The following FNDC3B variants were observed in gnomAD, a reference collection of about 807,000 sequenced individuals.
FNDC3B encodes fibronectin type III domain-containing protein 3B.
FNDC3B carries 12 observed loss-of-function variants against 151.5 expected under a neutral mutation model. The observed-to-expected ratio is 0.08, with a 90% confidence interval of 0.05 to 0.13. FNDC3B has a LOEUF of 0.13. Ranked by LOEUF, FNDC3B falls within the 10% of genes least tolerant of loss-of-function variation. The pLI is 1.00. For missense variants in FNDC3B, 1,214 were observed against 1,505.3 expected (o/e 0.81, Z 3.20); for synonymous variants, 528 against 549.0 (o/e 0.96, Z 0.54).
intron 25 of FNDC3B, among the ~76,000 whole-genome samples, chr3:172,387,102 G>A (rs545153464): frequency 2.0e-5 from 3 of 152,090 alleles, no homozygotes; most frequent in Non-Finnish European, 2.9e-5. Context: ...GATTAAAGGC[G>A]CCTGCCACCA....
chr3:172,361,742 A>G (rs1240900470), intron 22 of FNDC3B, among the ~76,000 whole-genome samples: 1 of 152,070 alleles, frequency 6.6e-6, no homozygotes, highest in African/African-American at 2.4e-5. Context: ...CTACTCCTCA[A>G]TATCAATTTT....
In FNDC3B at chr3:172,068,626, T is replaced by C. The variant is rs184330418; in HGVS notation, c.-29+28855T>C. ...TTTTGGAAGAGATGGGGTTCCACCA[T>C]GTTGGCTAGGCTAGTCTCAAACTCC... On this transcript the variant is annotated intron_variant, in intron 1 of 25. Coordinates refer to ENST00000415807, the MANE Select transcript of FNDC3B (RefSeq NM_022763.4). Among the ~76,000 whole-genome samples the C allele has an allele frequency of 3.9e-3, 592 of 152,240 alleles. 4 individuals are homozygous for C. The highest frequency in any genetic ancestry group is 0.013 in the African/African-American group (535 of 41,536).
intron 25 of FNDC3B, among the ~76,000 whole-genome samples, chr3:172,381,508 A>ATAGAACT (rs1735434846): frequency 6.6e-6 from 1 of 151,226 alleles, no homozygotes; most frequent in South Asian, 2.1e-4. Flanking sequence ...TCTGGGATAC[A>ATAGAACT]TGTGTAGAAT....
intron 10 of FNDC3B, among the ~76,000 whole-genome samples, chr3:172,309,647 G>A (rs1448516209): frequency 6.6e-6 from 1 of 152,180 alleles, no homozygotes; most frequent in Non-Finnish European, 1.5e-5. Context: ...AGAGAAGGAA[G>A]GGAAGGAGAG....
chr3:172,080,205 G>A (rs1474318404), intron 1 of FNDC3B, among the ~76,000 whole-genome samples: 3 of 152,086 alleles, frequency 2.0e-5, no homozygotes, highest in African/African-American at 7.2e-5. Flanking sequence ...ACTGAGTGTG[G>A]TCCTGCTATT....
chr3:172,251,070 G>A (rs749325696), intron 5 of FNDC3B, among the ~76,000 whole-genome samples, 190 bp from the exon 6 acceptor site: 1 of 151,888 alleles, frequency 6.6e-6, no homozygotes, highest in Non-Finnish European at 1.5e-5. Flanking sequence ...CGCCCACCTC[G>A]GCCTCCCAAA....
intron 2 of FNDC3B, among the ~76,000 whole-genome samples, chr3:172,132,993 T>A: frequency 6.6e-6 from 1 of 152,206 alleles, no homozygotes; most frequent in Non-Finnish European, 1.5e-5. Flanking sequence ...ACACAGATAA[T>A]TCTTTTTATA....
chr3:172,156,835 A>G (rs1015288447), intron 3 of FNDC3B, among the ~76,000 whole-genome samples: 4 of 152,044 alleles, frequency 2.6e-5, no homozygotes, highest in Non-Finnish European at 5.9e-5. Context: ...TTATCCTTGT[A>G]GAATGTTTTT....
chr3:172,044,256 TTGTATGGAATAGTGAAAATTCCAACTC>T (rs1419963690), intron 1 of FNDC3B, among the ~76,000 whole-genome samples: 45 of 132,684 alleles, frequency 3.4e-4, no homozygotes, highest in African/African-American at 1.4e-3. Flanking sequence ...CTTTCTGATT[TTGTATGGAATAGTGAAAATTCCAACTC>T]TTTTTTTTTT....
chr3:172,084,051 G>C (rs927322117), intron 1 of FNDC3B, among the ~76,000 whole-genome samples: 1 of 152,170 alleles, frequency 6.6e-6, no homozygotes, highest in African/African-American at 2.4e-5. Flanking sequence ...GGTTGCCACA[G>C]TTCTGTGGCC....
intron 3 of FNDC3B, among the ~76,000 whole-genome samples, chr3:172,221,177 A>ATT (rs34327845): frequency 2.0e-5 from 3 of 151,800 alleles, no homozygotes; most frequent in African/African-American, 7.3e-5. Context: ...AGCTCTAGTA[A>ATT]TTTTTTTTGT....
chr3:172,252,840 TAAATC>T (rs1297148747), intron 6 of FNDC3B, among the ~76,000 whole-genome samples: 5 of 152,156 alleles, frequency 3.3e-5, no homozygotes, highest in African/African-American at 7.2e-5. Context: ...AAACAAAACA[TAAATC>T]AATATCATAC....
At chr3:172,374,026 G>A (rs967461575) in intron 23 of FNDC3B, among the ~76,000 whole-genome samples, 4 of 152,256 alleles carry the variant, frequency 2.6e-5, no homozygotes, top group Non-Finnish European at 5.9e-5. Context: ...GAGGCCTGCT[G>A]TGTCAGAGCT....
chr3:172,373,096 G>A (rs1734958658), intron 23 of FNDC3B, among the ~76,000 whole-genome samples: 3 of 152,132 alleles, frequency 2.0e-5, no homozygotes. Flanking sequence ...AGCAGCCCAG[G>A]GTTAAGCAGG....
intron 1 of FNDC3B, among the ~76,000 whole-genome samples, chr3:172,104,803 C>G (rs1396410380): frequency 6.6e-6 from 1 of 152,130 alleles, no homozygotes; most frequent in East Asian, 1.9e-4. Context: ...TAAAGAAGAT[C>G]ACATTGTGTT....
intron 3 of FNDC3B, among the ~76,000 whole-genome samples, chr3:172,210,214 C>A (rs1725661809): frequency 6.6e-6 from 1 of 152,180 alleles, no homozygotes; most frequent in African/African-American, 2.4e-5. Context: ...GAAGCCGCCC[C>A]CCACTCCTCC....
In FNDC3B at chr3:172,295,479, C is replaced by T; in HGVS notation, c.966C>T (p.Asp322=). The change falls in exon 8 of 26, where the codon GAC becomes GAT. Residue 322 remains aspartate (D), a synonymous_variant. Transcript: ENST00000415807. The part of the protein sequence containing the change: ...FPYSYEVALS[D]KGRDGKYKII... Reference sequence around the variant, plus strand: ...ACAGTTACGAGGTGGCCTTATCAGACAAAGGACGAGATGGAAAATACAAGA... The same window carrying T: ...ACAGTTACGAGGTGGCCTTATCAGATAAAGGACGAGATGGAAAATACAAGA... 1 of 1,613,914 alleles carries T rather than the reference C, an allele frequency of 6.2e-7. No homozygotes were observed. Among genetic ancestry groups the T allele is most frequent in the South Asian group, 1.1e-5 (1 of 91,080 alleles).
intron 2 of FNDC3B, among the ~76,000 whole-genome samples, chr3:172,132,563 G>A (rs1050740985): frequency 2.6e-5 from 4 of 152,004 alleles, no homozygotes; most frequent in Admixed American, 6.6e-5. Flanking sequence ...CTGCCACCAC[G>A]CCTGGTTAAT....
chr3:172,293,159 A>G (rs534504761), intron 7 of FNDC3B, among the ~76,000 whole-genome samples: 1 of 152,344 alleles, frequency 6.6e-6, no homozygotes, highest in East Asian at 1.9e-4. Context: ...AGGGTGAGGT[A>G]TGACCATTAA....
Sources: allele counts gnomAD v4.1 joint callset (sites outside exome capture counted in the v4.1 genomes callset), GRCh38; gene constraint gnomAD v4.1.1; transcripts MANE v1.5; gene names NCBI Gene and HGNC (gene_info 2026-07-23, HGNC 2026-07-21).